Variants in SPAG16 observed in about 807,000 individuals in gnomAD.
SPAG16 encodes sperm-associated antigen 16 protein.
A neutral mutation model predicts 80.4 loss-of-function variants in SPAG16; 86 were observed. That is an observed-to-expected ratio of 1.07 (90% CI 0.90 to 1.28). The LOEUF (loss-of-function observed/expected upper bound fraction) is 1.28, where lower values mean the gene tolerates loss of function less well. SPAG16 is among the 50% of genes most tolerant of loss of function. SPAG16 has a pLI of 0.00. For synonymous variants in SPAG16, 294 were observed against 265.9 expected, an observed-to-expected ratio of 1.11 and a Z score of -1.03; for missense variants, 870 against 765.3, an observed-to-expected ratio of 1.14 and a Z score of -1.61.
chr2:214,233,302 C>T (rs1688830408), intron 15 of SPAG16, among the ~76,000 whole-genome samples: 1 of 150,924 alleles, frequency 6.6e-6, no homozygotes, highest in South Asian at 2.1e-4. Flanking sequence ...ATCTCTGTAG[C>T]CTTCTGTATA....
intron 11 of SPAG16, among the ~76,000 whole-genome samples, chr2:213,871,810 C>G (rs2075956084): frequency 6.7e-6 from 1 of 150,022 alleles, no homozygotes; most frequent in South Asian, 2.1e-4. Context: ...ACATGGAATA[C>G]AGACTTTACT....
At chr2:214,289,004 G>A (rs919582675) in intron 15 of SPAG16, among the ~76,000 whole-genome samples, 14 of 151,996 alleles carry the variant, frequency 9.2e-5, no homozygotes, top group Non-Finnish European at 1.6e-4. Flanking sequence ...TCCTGACCTC[G>A]TGATCCACCT....
chr2:214,305,050 CT>C lies in SPAG16; in HGVS notation c.1721-105086del, dbSNP rs1694817723. Among the ~76,000 whole-genome samples, 3 of 152,166 alleles carry C rather than the reference CT, an allele frequency of 2.0e-5. No individual in the cohort carries two copies. The South Asian group carries it at 6.2e-4, about 31-fold the overall frequency. ...CTCACCAGAATCTGTTATTATTTGA[CT>C]TTTCAATCATAGCCATTCTGACTGG... On this transcript the variant is annotated intron_variant, in intron 15 of 15. Coordinates refer to ENST00000331683, the MANE Select transcript of SPAG16 (RefSeq NM_024532.5).
intron 12 of SPAG16, among the ~76,000 whole-genome samples, chr2:214,013,085 C>T (rs1260668837): frequency 6.6e-6 from 1 of 152,030 alleles, no homozygotes; most frequent in Non-Finnish European, 1.5e-5. Context: ...ATTATAATTA[C>T]CAGGAGAGGC....
chr2:214,078,870 G>A (rs541381565), intron 13 of SPAG16, among the ~76,000 whole-genome samples: 20 of 152,122 alleles, frequency 1.3e-4, no homozygotes, highest in Admixed American at 6.6e-4. Context: ...GAATATTTTG[G>A]ATTTCCAGAA....
At chr2:213,669,485 A>G (rs2063735986) in intron 10 of SPAG16, among the ~76,000 whole-genome samples, 1 of 152,262 alleles carries the variant, frequency 6.6e-6, no homozygotes, top group Admixed American at 6.5e-5. Context: ...ATCCACAAAT[A>G]TTCAATGAAT....
intron 15 of SPAG16, among the ~76,000 whole-genome samples, chr2:214,352,126 G>A: frequency 1.3e-5 from 2 of 152,088 alleles, no homozygotes; most frequent in East Asian, 3.9e-4. Flanking sequence ...TGAAGACTTT[G>A]CCCTCATGAT....
chr2:213,644,901 C>T (rs2062764876), intron 10 of SPAG16, among the ~76,000 whole-genome samples: 1 of 152,194 alleles, frequency 6.6e-6, no homozygotes, highest in East Asian at 1.9e-4. Context: ...CTACACTCAG[C>T]AGGGGGCAAA....
intron 15 of SPAG16, among the ~76,000 whole-genome samples, chr2:214,306,912 G>A (rs527821470): frequency 6.6e-6 from 1 of 152,160 alleles, no homozygotes; most frequent in African/African-American, 2.4e-5. Flanking sequence ...AATGAATTAG[G>A]GGGGAGTCCC....
intron 9 of SPAG16, among the ~76,000 whole-genome samples, chr2:213,392,140 A>G (rs1318809100): frequency 6.6e-6 from 1 of 152,200 alleles, no homozygotes; most frequent in African/African-American, 2.4e-5. Flanking sequence ...AAAAGGAGAG[A>G]AAGGTTTCCT....
chr2:214,229,912 A>C (rs1233959120), intron 15 of SPAG16, among the ~76,000 whole-genome samples: 2 of 151,954 alleles, frequency 1.3e-5, no homozygotes, highest in African/African-American at 4.8e-5. Context: ...AAAATGCAGC[A>C]CAGTAATGTT....
At chr2:213,598,652 G>A (rs2060959172) in intron 10 of SPAG16, among the ~76,000 whole-genome samples, 1 of 152,124 alleles carries the variant, frequency 6.6e-6, no homozygotes. Flanking sequence ...TTTTTGTTCA[G>A]TGGAAATTAA....
chr2:213,429,863 C>T (rs1188331786), intron 9 of SPAG16, among the ~76,000 whole-genome samples: 1 of 151,950 alleles, frequency 6.6e-6, no homozygotes, highest in African/African-American at 2.4e-5. Context: ...AAAATAAATT[C>T]AAAAATAAGA....
At chr2:214,033,353 A>C (rs1419083135) in intron 13 of SPAG16, among the ~76,000 whole-genome samples, 1 of 152,178 alleles carries the variant, frequency 6.6e-6, no homozygotes, top group East Asian at 1.9e-4. Context: ...ACAGTGTGAA[A>C]AGGGCACTGG....
At chr2:214,320,747 G>A (rs902028842) in intron 15 of SPAG16, among the ~76,000 whole-genome samples, 1 of 152,158 alleles carries the variant, frequency 6.6e-6, no homozygotes, top group Non-Finnish European at 1.5e-5. Context: ...CTGCACCCAT[G>A]ATTCAATTAC....
At chr2:213,564,818 T>C (rs1485232202) in intron 10 of SPAG16, among the ~76,000 whole-genome samples, 1 of 152,268 alleles carries the variant, frequency 6.6e-6, no homozygotes, top group East Asian at 1.9e-4. Context: ...TGTTGTAGAT[T>C]AGGAAACTGA....
rs186597787 is a variant in SPAG16 at position 213,595,710 on chromosome 2, C to T, written c.1070+105620C>T. Among the ~76,000 whole-genome samples, 237 of 152,088 alleles carry T rather than the reference C, an allele frequency of 1.6e-3. 3 individuals are homozygous for T. Among genetic ancestry groups the T allele is most frequent in the African/African-American group, 4.6e-3 (193 of 41,526 alleles). The stretch of plus-strand genomic sequence containing the variant: ...AAGTAATATGGTGGATTTTAAGTTC[C>T]AAACAAGTCAACAAAAATTAGAATT... On this transcript the variant is annotated intron_variant, in intron 10 of 15. Coordinates refer to ENST00000331683, the MANE Select transcript of SPAG16 (RefSeq NM_024532.5).
At chr2:213,862,821 G>A (rs564093780) in intron 11 of SPAG16, among the ~76,000 whole-genome samples, 193 bp downstream of exon 11, 2 of 152,112 alleles carry the variant, frequency 1.3e-5, no homozygotes, top group South Asian at 4.1e-4. Context: ...TTGATATTTG[G>A]TACATGTAAA....
intron 9 of SPAG16, among the ~76,000 whole-genome samples, chr2:213,477,902 C>T (rs529679636): frequency 5.3e-5 from 8 of 152,262 alleles, no homozygotes; most frequent in Admixed American, 4.6e-4. Context: ...ACCAAAATCT[C>T]ATCTTGAATT....
Sources: gnomAD v4.1 joint callset for allele counts (sites outside exome capture counted in the v4.1 genomes callset) on GRCh38, gnomAD v4.1.1 for gene constraint, MANE v1.5 for transcripts, NCBI Gene and HGNC (gene_info 2026-07-23, HGNC 2026-07-21) for gene names.